Variants in NDUFAF6 observed in about 807,000 individuals in gnomAD.
NDUFAF6 encodes the protein NADH dehydrogenase (ubiquinone) complex I, assembly factor 6.
NDUFAF6 carries 45 observed loss-of-function variants against 40.8 expected under a neutral mutation model. The ratio of observed to expected loss-of-function variants is 1.10; its 90% CI spans 0.87 to 1.42. The LOEUF is 1.42. NDUFAF6 is among the 40% of genes most tolerant of loss of function. The pLI is 0.00. For synonymous variants in NDUFAF6, 185 were observed against 155.9 expected (o/e 1.19, Z -1.39); for missense variants, 435 against 418.5 (o/e 1.04, Z -0.34).
intron 2 of NDUFAF6, chr8:95,085,449 C>T (rs1216302915): frequency 6.6e-6 from 1 of 152,116 alleles, no homozygotes; most frequent in African/African-American, 2.4e-5. Context: ...AAACCTCAGC[C>T]AGGAGACTCA....
At chr8:95,020,575 C>T (rs1055101014), upstream of NDUFAF6, among the ~76,000 whole-genome samples, 1 of 152,200 alleles carries the variant, frequency 6.6e-6, no homozygotes, top group Non-Finnish European at 1.5e-5. Context: ...CACCAGCCCA[C>T]ACCAGCCCCT....
chr8:95,061,089 G>A (rs1156445398), downstream of NDUFAF6, among the ~76,000 whole-genome samples: 1 of 152,144 alleles, frequency 6.6e-6, no homozygotes, highest in Non-Finnish European at 1.5e-5. Flanking sequence ...GGCTGAAGAA[G>A]CAGTGTGTAC....
intron 1 of NDUFAF6, among the ~76,000 whole-genome samples, chr8:94,920,236 C>G (rs1819409865): frequency 6.6e-6 from 1 of 152,098 alleles, no homozygotes; most frequent in Admixed American, 6.6e-5. Flanking sequence ...ATTGAAAGAT[C>G]CTAACTAGGT....
chr8:94,980,102 GA>G (rs113197653), intron 1 of NDUFAF6, among the ~76,000 whole-genome samples: 2 of 145,974 alleles, frequency 1.4e-5, no homozygotes, highest in Non-Finnish European at 3.0e-5. Flanking sequence ...GTCTCAAAGC[GA>G]AAAAAAAAAC....
At chr8:94,985,517 T>TA (rs1825825875) in intron 2 of NDUFAF6, among the ~76,000 whole-genome samples, 2 of 11,840 alleles carry the variant, frequency 1.7e-4, no homozygotes, top group Non-Finnish European at 3.3e-4. Context: ...ATATATATAT[T>TA]TTTTTTTTTT....
chr8:94,944,161 C>A (rs1403236978), intron 1 of NDUFAF6, among the ~76,000 whole-genome samples: 3 of 152,216 alleles, frequency 2.0e-5, no homozygotes, highest in Admixed American at 2.0e-4. Flanking sequence ...CCCAATTCTG[C>A]AGAGCATGGT....
chr8:95,045,846 A>AGACTCAGG (rs1830686332), intron 5 of NDUFAF6, among the ~76,000 whole-genome samples, 199 bp downstream of exon 5: 1 of 152,112 alleles, frequency 6.6e-6, no homozygotes, highest in Non-Finnish European at 1.5e-5. Context: ...GAGTAATCCA[A>AGACTCAGG]GACTCAGGCT....
downstream of NDUFAF6, among the ~76,000 whole-genome samples, chr8:95,058,950 G>A (rs956897367): frequency 1.3e-5 from 2 of 152,118 alleles, no homozygotes; most frequent in African/African-American, 4.8e-5. Flanking sequence ...GGCTGAGGTG[G>A]GAGGATTACT....
intron 2 of NDUFAF6, among the ~76,000 whole-genome samples, chr8:94,990,664 C>T (rs76941064): frequency 4.2e-4 from 64 of 152,332 alleles, no homozygotes; most frequent in Non-Finnish European, 7.5e-4. Context: ...GCAACAGCTA[C>T]TGCATTCAAG....
intron 1 of NDUFAF6, among the ~76,000 whole-genome samples, chr8:94,899,013 A>G (rs1428909630): frequency 6.6e-6 from 1 of 152,210 alleles, no homozygotes; most frequent in Non-Finnish European, 1.5e-5. Context: ...TTCCCATTTA[A>G]TGAAACTTGC....
chr8:94,974,644 G>A (rs576914877), intron 1 of NDUFAF6: 1 of 153,296 alleles, frequency 6.5e-6, no homozygotes, highest in South Asian at 2.1e-4. Flanking sequence ...GTGAGGCTGT[G>A]TTGATGAAGA....
At chr8:94,932,102 C>T (rs1820468629) in intron 1 of NDUFAF6, 1 of 1,610,010 alleles carries the variant, frequency 6.2e-7, no homozygotes, top group Non-Finnish European at 8.5e-7. Context: ...GCAGCTTTTC[C>T]TGGCCCTACA....
downstream of NDUFAF6, among the ~76,000 whole-genome samples, chr8:95,117,460 T>G (rs367917381): frequency 2.5e-4 from 38 of 152,298 alleles, no homozygotes; most frequent in East Asian, 5.2e-3. Context: ...AAAGCTTTTT[T>G]TGTGTGTGTG....
intron 1 of NDUFAF6, among the ~76,000 whole-genome samples, chr8:94,936,407 A>G (rs1024099072): frequency 5.3e-5 from 8 of 152,202 alleles, no homozygotes; most frequent in Admixed American, 4.6e-4. Flanking sequence ...CACACTGCCA[A>G]TAGCTCTCAA....
chr8:95,005,526 AATATATAT>A (rs760333438), intron 2 of NDUFAF6, among the ~76,000 whole-genome samples: 2 of 7,278 alleles, frequency 2.7e-4, no homozygotes, highest in Non-Finnish European at 5.4e-4. Flanking sequence ...GGTCCTTTTA[AATATATAT>A]ATATATATAT....
At chr8:95,012,643 AAAATAAATAAAT>A (rs61552543) in intron 2 of NDUFAF6, among the ~76,000 whole-genome samples, 1 of 147,310 alleles carries the variant, frequency 6.8e-6, no homozygotes, top group South Asian at 2.2e-4. Flanking sequence ...CTCTGTCTCT[AAAATAAATAAAT>A]AAATAAATAA....
At chr8:94,896,090 T>C (rs1044084800) in intron 1 of NDUFAF6, among the ~76,000 whole-genome samples, 20 of 152,040 alleles carry the variant, frequency 1.3e-4, no homozygotes, top group African/African-American at 4.3e-4. Flanking sequence ...GCGCCCTCCC[T>C]TGCTTCCTCT....
intron 2 of NDUFAF6, among the ~76,000 whole-genome samples, chr8:95,094,602 A>G (rs1432422858): frequency 6.7e-6 from 1 of 149,966 alleles, no homozygotes; most frequent in Non-Finnish European, 1.5e-5. Context: ...TTTAGTAGAT[A>G]TGGGGTTTCA....
chr8:94,961,408 AC>A (rs2060510474), intron 1 of NDUFAF6, among the ~76,000 whole-genome samples: 1 of 152,238 alleles, frequency 6.6e-6, no homozygotes, highest in South Asian at 2.1e-4. Flanking sequence ...GAATGAAGTC[AC>A]AGCAACCATT....
Sources: gnomAD v4.1 joint callset for allele counts (sites outside exome capture counted in the v4.1 genomes callset) on GRCh38, gnomAD v4.1.1 for gene constraint, MANE v1.5 for transcripts, NCBI Gene and HGNC (gene_info 2026-07-23, HGNC 2026-07-21) for gene names.